ST18: variants seen among roughly 807,000 people sequenced by gnomAD.
ST18 encodes ST18 C2H2C-type zinc finger transcription factor.
ST18 carries 50 observed loss-of-function variants against 110.0 expected under a neutral mutation model. The observed-to-expected ratio is 0.45, with a 90% CI of 0.36 to 0.58. The LOEUF (loss-of-function observed/expected upper bound fraction) is 0.58, where lower values mean the gene tolerates loss of function less well. Among genes scored for constraint, ST18 ranks in the 20% least tolerant of loss-of-function variants. The pLI, the probability that ST18 is intolerant of heterozygous loss-of-function variation, is 0.00. For missense variants in ST18, 1,306 were observed against 1,280.1 expected (o/e 1.02, Z -0.31); for synonymous variants, 461 against 452.4 (o/e 1.02, Z -0.24).
rs1467762832 is a variant in ST18 at position 52,246,467 on chromosome 8, TAAGTTG to T, written c.-464-16396_-464-16391del. 2.0e-5 allele frequency: 3 copies of T among 152,346 alleles called. No individual in the cohort carries two copies. In the East Asian group the frequency reaches 5.8e-4, roughly 29 times the overall value. The allele number at this position is 152,346 out of a possible 1,614,324, so 9.4% of individuals were successfully genotyped here. On this transcript the variant is annotated intron_variant, in intron 2 of 25. Coordinates refer to ENST00000689386, the MANE Select transcript of ST18 (RefSeq NM_001352837.2). ...TAAATACTTCTGCTTACAGAGAGTT[TAAGTTG>T]AAGTGTAATAAAATTTTTAGGTATG...
chr8:52,155,964 T>C (rs1330121178), intron 15 of ST18, among the ~76,000 whole-genome samples: 3 of 152,176 alleles, frequency 2.0e-5, no homozygotes, highest in Non-Finnish European at 4.4e-5. Context: ...GGGTGCTTTA[T>C]GCAAATGAGA....
rs114783437 is a variant in ST18 at position 52,313,974 on chromosome 8, G to C, written c.-464-83897C>G. 6.8e-3 allele frequency among the ~76,000 whole-genome samples: 1,029 copies of C among 152,316 alleles called. 10 individuals are homozygous for C. The highest frequency in any genetic ancestry group is 0.024 in the African/African-American group (978 of 41,572). ...AAAGAGCTTCCATTTGGCCACGGGA[G>C]TGCGGTCAGCTGATGGCTCCACTGG... On this transcript the variant is annotated intron_variant, in intron 2 of 25. Coordinates refer to ENST00000689386, the MANE Select transcript of ST18 (RefSeq NM_001352837.2).
Position 52,323,801 on chromosome 8 carries a change from G to A in ST18, c.-465+85527C>T, listed in dbSNP as rs550204904. On this transcript the variant is annotated intron_variant, in intron 2 of 25. Transcript: ENST00000689386. ...CCACTCCACTTCCGGCCTGTCTTCA[G>A]TGCTCGCTCTTCTCACTTTTCCAAA... Among the ~76,000 whole-genome samples the A allele has an allele frequency of 5.3e-5, 8 of 152,308 alleles. No individual in the cohort carries two copies. In the South Asian group the frequency reaches 1.5e-3, roughly 28 times the overall value.
At chr8:52,268,674 G>C (rs1324873891) in intron 2 of ST18, among the ~76,000 whole-genome samples, 7 of 152,128 alleles carry the variant, frequency 4.6e-5, no homozygotes, top group Admixed American at 2.0e-4. Context: ...AGCGGTAAAG[G>C]AAGAAAAAGC....
intron 10 of ST18, among the ~76,000 whole-genome samples, chr8:52,169,359 T>G (rs1302761617): frequency 6.6e-6 from 1 of 152,150 alleles, no homozygotes; most frequent in African/African-American, 2.4e-5. Flanking sequence ...GATGTACTCA[T>G]GTAATGGTTC....
intron 12 of ST18, among the ~76,000 whole-genome samples, chr8:52,164,662 T>C (rs962860723): frequency 2.6e-5 from 4 of 152,246 alleles, no homozygotes; most frequent in Non-Finnish European, 4.4e-5. Flanking sequence ...TGCACATATG[T>C]ATGTCTTATG....
intron 2 of ST18, among the ~76,000 whole-genome samples, chr8:52,285,654 C>T (rs1480844653): frequency 2.6e-5 from 4 of 152,194 alleles, no homozygotes; most frequent in Non-Finnish European, 5.9e-5. Context: ...AACCACAGAG[C>T]CCCCAGAGGG....
In ST18 at chr8:52,133,123, G is replaced by A. The variant is rs1362387057; in HGVS notation, c.2378C>T (p.Pro793Leu). The A allele has an allele frequency of 6.2e-7, 1 of 1,614,068 alleles. No individual in the cohort carries two copies. Among genetic ancestry groups the A allele is most frequent in the Admixed American group, 1.7e-5 (1 of 59,992 alleles). The change falls in exon 21 of 26, where the codon CCT becomes CTT. Residue 793 changes from proline to leucine, a missense_variant. Physicochemically the swap from Pro to Leu is moderately conservative, Grantham distance 98. Coordinates refer to ENST00000689386, the MANE Select transcript of ST18 (RefSeq NM_001352837.2). ...YASHRSLSGC[P>L]RARKGGVKMT... ...TTTGACACCACCTTTCCTTGCACGA[G>A]GGCATCCGGACAAGCTGAAATAGGG... is the stretch of plus-strand genomic sequence containing the variant.
At chr8:52,406,856 T>C (rs1384316324) in intron 2 of ST18, 1 of 152,186 alleles carries the variant, frequency 6.6e-6, no homozygotes, top group South Asian at 2.1e-4. Context: ...ACTTGATATG[T>C]CAAAGATCTG....
chr8:52,122,274 T>C (rs1424726458), intron 23 of ST18, among the ~76,000 whole-genome samples: 2 of 152,146 alleles, frequency 1.3e-5, no homozygotes, highest in Non-Finnish European at 1.5e-5. Flanking sequence ...CTGTGCCTAA[T>C]TTGCATATTT....
At chr8:52,404,088 G>A (rs1008801182) in intron 2 of ST18, 13 of 152,224 alleles carry the variant, frequency 8.5e-5, no homozygotes, top group African/African-American at 2.9e-4. Context: ...ATCTATTGCC[G>A]CCTTGCCATG....
chr8:52,337,609 G>A (rs1038823018), intron 2 of ST18, among the ~76,000 whole-genome samples: 2 of 152,234 alleles, frequency 1.3e-5, no homozygotes, highest in African/African-American at 4.8e-5. Context: ...GATGAGCAGT[G>A]TGAAGGTGTG....
chr8:52,383,309 A>C (rs1340328206), intron 2 of ST18, among the ~76,000 whole-genome samples: 1 of 152,202 alleles, frequency 6.6e-6, no homozygotes, highest in Non-Finnish European at 1.5e-5. Flanking sequence ...CTCCAAGAAA[A>C]ATACATAAAC....
At chr8:52,372,947 T>C (rs1830781262) in intron 2 of ST18, among the ~76,000 whole-genome samples, 1 of 152,260 alleles carries the variant, frequency 6.6e-6, no homozygotes, top group Non-Finnish European at 1.5e-5. Context: ...TAAAAAATTA[T>C]AAGTATTTTT....
intron 6 of ST18, among the ~76,000 whole-genome samples, chr8:52,214,713 C>G (rs896676203): frequency 2.6e-5 from 4 of 152,078 alleles, no homozygotes; most frequent in Non-Finnish European, 4.4e-5. Flanking sequence ...TGTAAAAAAG[C>G]ACCATGAAGA....
chr8:52,386,183 T>C (rs1401933830), intron 2 of ST18, among the ~76,000 whole-genome samples: 1 of 152,198 alleles, frequency 6.6e-6, no homozygotes, highest in Non-Finnish European at 1.5e-5. Flanking sequence ...CAGACAGTCA[T>C]TGAAAATTAC....
chr8:52,404,527 A>C (rs985709130), intron 2 of ST18: 3 of 152,274 alleles, frequency 2.0e-5, no homozygotes, highest in African/African-American at 7.2e-5. Flanking sequence ...GGAGGAAAAG[A>C]AGGCTGAACC....
rs1201221808 is a variant in ST18, at chr8:52,113,116, C to T, written c.*82G>A. 1.3e-6 allele frequency: 2 copies of T among 1,550,060 alleles called. No individual in the cohort carries two copies. The highest frequency in any genetic ancestry group is 4.6e-5 in the East Asian group (2 of 43,918). On this transcript the variant is annotated 3_prime_UTR_variant, in exon 26 of 26. Transcript: ENST00000689386. ...AAATGCAGTACGGCAACCTCCACGC[C>T]TTAGCAGTACATGAACCTCTAACAG...
intron 8 of ST18, among the ~76,000 whole-genome samples, chr8:52,193,161 G>A (rs1389095960): frequency 6.6e-6 from 1 of 152,222 alleles, no homozygotes; most frequent in African/African-American, 2.4e-5. Context: ...GAGGAACTTG[G>A]CAAGGATGAA....
Sources: gnomAD v4.1 joint callset for allele counts (sites outside exome capture counted in the v4.1 genomes callset) on GRCh38, gnomAD v4.1.1 for gene constraint, MANE v1.5 for transcripts, NCBI Gene and HGNC (gene_info 2026-07-23, HGNC 2026-07-21) for gene names.